RBFOX1: variants seen among roughly 807,000 people sequenced by gnomAD.
RBFOX1 encodes the protein RNA binding protein fox-1 homolog 1.
Under a neutral mutation model 57.7 loss-of-function variants are expected in RBFOX1, and 8 were observed. The observed-to-expected ratio is 0.14, with a 90% confidence interval of 0.08 to 0.25. The LOEUF (loss-of-function observed/expected upper bound fraction) is 0.25. RBFOX1 is among the 10% of genes least tolerant of loss of function. The pLI, the probability that RBFOX1 is intolerant of heterozygous loss-of-function variation, is 1.00. For missense variants in RBFOX1, 611 were observed against 548.5 expected, an observed-to-expected ratio of 1.11 and a Z score of -1.14; for synonymous variants, 326 against 222.4, an observed-to-expected ratio of 1.47 and a Z score of -4.15.
intron 4 of RBFOX1, among the ~76,000 whole-genome samples, chr16:5,888,915 C>A (rs574248713): frequency 9.2e-5 from 14 of 151,638 alleles, no homozygotes; most frequent in African/African-American, 3.4e-4. Flanking sequence ...AGTTCAGCTT[C>A]ATAAACCTTC....
chr16:7,550,425 A>C (rs941909092), intron 5 of RBFOX1, among the ~76,000 whole-genome samples: 4 of 152,122 alleles, frequency 2.6e-5, no homozygotes, highest in Non-Finnish European at 4.4e-5. Flanking sequence ...GAGCCCGTGG[A>C]ATGTTTGTAG....
In RBFOX1 at chr16:5,524,853, T is replaced by C. The variant is rs111967246; in HGVS notation, c.258+57599T>C. 1.7e-4 allele frequency among the ~76,000 whole-genome samples: 26 copies of C among 152,110 alleles called. 1 individual carries two copies. The highest frequency in any genetic ancestry group is 6.3e-4 in the African/African-American group (26 of 41,540). On this transcript the variant is annotated intron_variant, in intron 2 of 2. Transcript: ENST00000585867. ...ACCGCACCCGGCCCCTATTCATCAT[T>C]CTGATTTAAACGCTTGTGCTACTTA...
chr16:5,642,636 T>G (rs1596557351), intron 3 of RBFOX1, among the ~76,000 whole-genome samples: 1 of 152,096 alleles, frequency 6.6e-6, no homozygotes, highest in Admixed American at 6.6e-5. Context: ...CCACCCAGCC[T>G]CATGTCCTCA....
intron 2 of RBFOX1, among the ~76,000 whole-genome samples, chr16:6,562,402 A>G (rs2097190411): frequency 6.6e-6 from 1 of 152,236 alleles, no homozygotes; most frequent in Admixed American, 6.5e-5. Context: ...TTCAGAGCAC[A>G]TATTGAATAT....
At chr16:6,646,658 C>T (rs74933289) in intron 2 of RBFOX1, among the ~76,000 whole-genome samples, 160 of 152,100 alleles carry the variant, frequency 1.1e-3, no homozygotes, top group African/African-American at 3.8e-3. Context: ...CTGGTCAGAA[C>T]GGGCAAAAGC....
intron 3 of RBFOX1, among the ~76,000 whole-genome samples, chr16:6,770,759 T>A (rs1159716296): frequency 6.6e-6 from 1 of 152,138 alleles, no homozygotes; most frequent in African/African-American, 2.4e-5. Context: ...TTCATTCTTC[T>A]TGTCTCCCCA....
intron 3 of RBFOX1, among the ~76,000 whole-genome samples, chr16:7,027,842 G>A (rs1330019509): frequency 6.6e-6 from 1 of 151,574 alleles, no homozygotes; most frequent in Non-Finnish European, 1.5e-5. Context: ...GGAGGAGGTG[G>A]GAGAGAGAAA....
At chr16:5,352,227 G>A (rs1013658493) in intron 1 of RBFOX1, among the ~76,000 whole-genome samples, 5 of 152,064 alleles carry the variant, frequency 3.3e-5, no homozygotes, top group African/African-American at 4.8e-5. Context: ...TGCCTCCTGC[G>A]CTTGTCCACC....
intron 4 of RBFOX1, among the ~76,000 whole-genome samples, chr16:7,369,934 C>A (rs1263168367): frequency 6.6e-6 from 1 of 152,200 alleles, no homozygotes; most frequent in Non-Finnish European, 1.5e-5. Flanking sequence ...GAAATGTTAA[C>A]GGGCTTGCTT....
chr16:7,543,565 C>T (rs1280144144), intron 5 of RBFOX1, among the ~76,000 whole-genome samples: 2 of 151,958 alleles, frequency 1.3e-5, no homozygotes, highest in African/African-American at 4.8e-5. Flanking sequence ...GGTGACACAA[C>T]TGATTGAATC....
At chr16:6,773,540 G>A (rs1005999699) in intron 3 of RBFOX1, among the ~76,000 whole-genome samples, 2 of 134,976 alleles carry the variant, frequency 1.5e-5, no homozygotes, top group African/African-American at 5.6e-5. Context: ...TGTGTTGGGG[G>A]GCATAGGGTG....
chr16:6,838,936 ATTTTTT>A (rs529600366), intron 3 of RBFOX1, among the ~76,000 whole-genome samples: 1 of 148,146 alleles, frequency 6.8e-6, no homozygotes, highest in African/African-American at 2.5e-5. Context: ...CTGGTTTTTG[ATTTTTT>A]TTTTTAAGAA....
chr16:7,294,765 AATG>A (rs1004440379), intron 4 of RBFOX1, among the ~76,000 whole-genome samples: 1 of 148,620 alleles, frequency 6.7e-6, no homozygotes, highest in Admixed American at 6.7e-5. Flanking sequence ...TATTGTAAAA[AATG>A]ATGAATATGA....
intron 2 of RBFOX1, among the ~76,000 whole-genome samples, chr16:6,591,740 A>T (rs1198276567): frequency 6.6e-6 from 1 of 152,194 alleles, no homozygotes; most frequent in Non-Finnish European, 1.5e-5. Flanking sequence ...TAATTGGAAA[A>T]TTGCCCAGAA....
At chr16:7,201,452 CTTTTTTT>C (rs71147669) in intron 4 of RBFOX1, among the ~76,000 whole-genome samples, 7 of 146,118 alleles carry the variant, frequency 4.8e-5, no homozygotes, top group Non-Finnish European at 7.5e-5. Context: ...CGATCTGATT[CTTTTTTT>C]TTTTTTTCTT....
intron 3 of RBFOX1, among the ~76,000 whole-genome samples, chr16:7,016,518 A>C (rs999833553): frequency 4.6e-5 from 7 of 152,160 alleles, no homozygotes; most frequent in Non-Finnish European, 7.4e-5. Context: ...CAGTGTATTC[A>C]GCACACCTAT....
intron 4 of RBFOX1, among the ~76,000 whole-genome samples, chr16:5,897,691 C>G (rs2058201663): frequency 6.6e-6 from 1 of 152,178 alleles, no homozygotes; most frequent in Non-Finnish European, 1.5e-5. Context: ...TGCCTGCAAG[C>G]TTCTCCAGAG....
intron 4 of RBFOX1, among the ~76,000 whole-genome samples, chr16:5,906,194 T>G (rs2058451463): frequency 2.6e-5 from 4 of 152,174 alleles, no homozygotes; most frequent in Non-Finnish European, 5.9e-5. Context: ...TGCCTCAGAC[T>G]GTGTCCTTAT....
rs1180936057 is a variant in RBFOX1 at position 6,549,432 on chromosome 16, G to GGGA, written c.-63-105159_-63-105157dup. On this transcript the variant is annotated intron_variant, in intron 2 of 15. Coordinates refer to ENST00000550418, the MANE Select transcript of RBFOX1 (RefSeq NM_018723.4). ...AGGGAGGAGGAGGAGGAGGGGAGGAGGGAGGAGGAGGAGGGAGGAGGGAAA... is the reference window on the plus strand; with the variant it reads ...AGGGAGGAGGAGGAGGAGGGGAGGAGGGAGGAGGAGGAGGAGGGAGGAGGGAAA... Among the ~76,000 whole-genome samples the GGGA allele has an allele frequency of 1.9e-3, 119 of 61,468 alleles. 2 individuals are homozygous for GGGA. Among genetic ancestry groups the GGGA allele is most frequent in the Non-Finnish European group, 3.6e-3 (106 of 29,380 alleles). 40.3% of individuals were successfully genotyped at this position (61,468 alleles called of 152,430 possible).
Sources: allele counts gnomAD v4.1 joint callset (sites outside exome capture counted in the v4.1 genomes callset), GRCh38; gene constraint gnomAD v4.1.1; transcripts MANE v1.5; gene names NCBI Gene and HGNC (gene_info 2026-07-23, HGNC 2026-07-21).